Variants in CELF4 observed in about 807,000 individuals in gnomAD.
CELF4 encodes CUG-BP- and ETR-3-like factor 4.
CELF4 carries 18 observed loss-of-function variants against 59.9 expected under a neutral mutation model. The observed-to-expected ratio is 0.30, with a 90% CI of 0.21 to 0.45. The LOEUF is 0.45. CELF4 is among the 20% of genes least tolerant of loss of function. The probability of loss-of-function intolerance (pLI) is 1.00; values close to 1 mark genes in which losing one functional copy is unlikely to be tolerated. For missense variants in CELF4, 456 were observed against 689.0 expected (o/e 0.66, Z 3.79); for synonymous variants, 261 against 267.1 (o/e 0.98, Z 0.22).
intron 8 of CELF4, among the ~76,000 whole-genome samples, chr18:37,267,639 C>T (rs1220312885): frequency 6.6e-6 from 1 of 152,188 alleles, no homozygotes; most frequent in Non-Finnish European, 1.5e-5. Context: ...GCCAGCTAAG[C>T]TAAGTGGCCA....
rs147380061 is a variant in CELF4 at position 37,340,125 on chromosome 18, G to A, written c.370-18244C>T. On this transcript the variant is annotated intron_variant, in intron 2 of 12. Coordinates refer to ENST00000420428, the MANE Select transcript of CELF4 (RefSeq NM_020180.4). ...CCCACCACAATGCCCAGCCTGGGGGGCACTGATAGGAAAATGTCCGCACAC... is the reference window on the plus strand; with the variant it reads ...CCCACCACAATGCCCAGCCTGGGGGACACTGATAGGAAAATGTCCGCACAC... Among the ~76,000 whole-genome samples the A allele has an allele frequency of 6.6e-5, 10 of 152,328 alleles. No individual in the cohort carries two copies. The East Asian group carries it at 1.9e-3, about 29-fold the overall frequency.
At chr18:37,526,613 C>A (rs2099964078) in intron 1 of CELF4, among the ~76,000 whole-genome samples, 1 of 152,208 alleles carries the variant, frequency 6.6e-6, no homozygotes, top group African/African-American at 2.4e-5. Context: ...TTTAATGGAA[C>A]CGTTGAAGGC....
At position 37,309,877 on chromosome 18, in the gene CELF4, C is replaced by G. The variant is rs1270826298; in HGVS notation, c.448+11926G>C. On this transcript the variant is annotated intron_variant, in intron 3 of 12. Transcript: ENST00000420428. Reference sequence around the variant, plus strand: ...TGTTTTCATGCCTTTGCCTGTGACACAGTCCAGATTTGTCCTCTCAGTAGA... The same window carrying G: ...TGTTTTCATGCCTTTGCCTGTGACAGAGTCCAGATTTGTCCTCTCAGTAGA... Among the ~76,000 whole-genome samples the G allele has an allele frequency of 4.7e-5, 7 of 150,200 alleles. No homozygotes were observed. In the East Asian group the frequency reaches 1.2e-3, roughly 25 times the overall value.
At chr18:37,491,755 A>G (rs1356014506) in intron 1 of CELF4, among the ~76,000 whole-genome samples, 1 of 152,126 alleles carries the variant, frequency 6.6e-6, no homozygotes, top group Non-Finnish European at 1.5e-5. Context: ...GGGGTGGCGG[A>G]TGCCCCTCTC....
chr18:37,334,725 C>A (rs982761710), intron 2 of CELF4, among the ~76,000 whole-genome samples: 1 of 151,854 alleles, frequency 6.6e-6, no homozygotes, highest in African/African-American at 2.4e-5. Flanking sequence ...TGCCCTGACC[C>A]GGGGGGGACA....
chr18:37,284,650 G>A (rs376441849), intron 3 of CELF4, among the ~76,000 whole-genome samples: 4 of 152,272 alleles, frequency 2.6e-5, no homozygotes, highest in African/African-American at 4.8e-5. Context: ...TCCCTCCCCC[G>A]AGCTTGAGAT....
chr18:37,461,385 C>T (rs1331113390), intron 2 of CELF4, among the ~76,000 whole-genome samples: 1 of 152,178 alleles, frequency 6.6e-6, no homozygotes, highest in Non-Finnish European at 1.5e-5. Context: ...GGGAAGCAAA[C>T]TCGTTCTTCA....
chr18:37,342,485 G>C (rs12604086), intron 2 of CELF4, among the ~76,000 whole-genome samples: 4 of 152,172 alleles, frequency 2.6e-5, no homozygotes, highest in African/African-American at 9.7e-5. Flanking sequence ...GAGGGTGAGA[G>C]GCCTCTGAGA....
intron 1 of CELF4, among the ~76,000 whole-genome samples, chr18:37,535,223 T>C (rs2099972578): frequency 6.6e-6 from 1 of 152,224 alleles, no homozygotes; most frequent in Non-Finnish European, 1.5e-5. Flanking sequence ...ATAATGCCTC[T>C]GTATGATTTG....
At chr18:37,391,809 A>G (rs1408489561) in intron 2 of CELF4, among the ~76,000 whole-genome samples, 1 of 152,212 alleles carries the variant, frequency 6.6e-6, no homozygotes. Context: ...AGGACACAAG[A>G]GAGGCACAGC....
intron 3 of CELF4, among the ~76,000 whole-genome samples, chr18:37,313,986 G>A (rs2096770863): frequency 6.6e-6 from 1 of 152,234 alleles, no homozygotes; most frequent in African/African-American, 2.4e-5. Flanking sequence ...CCTAAAGGCT[G>A]CAGGAACGCT....
Position 37,243,398 on chromosome 18 carries a change from T to C in CELF4, c.*1844A>G, listed in dbSNP as rs144540866. The C allele has an allele frequency of 1.3e-5, 2 of 152,268 alleles. No homozygotes were observed. The highest frequency in any genetic ancestry group is 3.9e-4 in the East Asian group (2 of 5,178). 9.4% of individuals were successfully genotyped at this position (152,268 alleles called of 1,614,324 possible). On this transcript the variant is annotated 3_prime_UTR_variant, in exon 13 of 13. Transcript: ENST00000420428. ...TGACCTGGACATCAATGAGAAGGAATCAAGGCAGAATGCCAAAGCAATCTT... is the reference window on the plus strand; with the variant it reads ...TGACCTGGACATCAATGAGAAGGAACCAAGGCAGAATGCCAAAGCAATCTT...
At chr18:37,275,036 G>A (rs2092822980) in intron 4 of CELF4, 79 bp downstream of exon 4, 3 of 1,564,132 alleles carry the variant, frequency 1.9e-6, no homozygotes, top group Non-Finnish European at 2.6e-6. Flanking sequence ...GATGGCCCCG[G>A]AGACTCAGAG....
intron 1 of CELF4, among the ~76,000 whole-genome samples, chr18:37,489,699 C>T (rs945839301): frequency 6.6e-6 from 1 of 152,226 alleles, no homozygotes; most frequent in Non-Finnish European, 1.5e-5. Context: ...CCAGAGACAT[C>T]CCTGGCGGGG....
At chr18:37,465,264 C>G (rs1274863684) in intron 2 of CELF4, among the ~76,000 whole-genome samples, 1 of 152,136 alleles carries the variant, frequency 6.6e-6, no homozygotes, top group Non-Finnish European at 1.5e-5. Context: ...GCTGCCCAGT[C>G]CTCAATAAAG....
rs1010339843 is a variant in CELF4 at position 37,264,771 on chromosome 18, A to C, written c.1166-14T>G. On this transcript the variant is annotated splice_polypyrimidine_tract_variant and intron_variant, in intron 9 of 12. Transcript: ENST00000420428. ...GGTAGGCAGCTGCTGGAGGCCCAAG[A>C]CAAGAAGCAAGAGCCGGCGACAAGG... 27 of 1,561,758 alleles carry C rather than the reference A, an allele frequency of 1.7e-5. No homozygotes were observed. Among genetic ancestry groups the C allele is most frequent in the Non-Finnish European group, 2.1e-5 (24 of 1,151,800 alleles).
At chr18:37,455,806 C>T (rs937131528) in intron 2 of CELF4, among the ~76,000 whole-genome samples, 7 of 152,174 alleles carry the variant, frequency 4.6e-5, no homozygotes, top group Non-Finnish European at 8.8e-5. Flanking sequence ...TTTGGGCCCC[C>T]GGGCTCTCCC....
intron 2 of CELF4, among the ~76,000 whole-genome samples, chr18:37,464,190 C>T (rs532267000): frequency 2.6e-5 from 4 of 152,286 alleles, no homozygotes; most frequent in East Asian, 1.9e-4. Context: ...GCACGGGGCT[C>T]GGGCTGGTGA....
At chr18:37,433,882 G>A (rs1890488424) in intron 2 of CELF4, among the ~76,000 whole-genome samples, 1 of 152,254 alleles carries the variant, frequency 6.6e-6, no homozygotes, top group Admixed American at 6.5e-5. Context: ...TTTGAGACTG[G>A]CTAGCTCCCT....
Sources: gnomAD v4.1 joint callset for allele counts (sites outside exome capture counted in the v4.1 genomes callset) on GRCh38, gnomAD v4.1.1 for gene constraint, MANE v1.5 for transcripts, NCBI Gene and HGNC (gene_info 2026-07-23, HGNC 2026-07-21) for gene names.